FMN1: variants seen among roughly 807,000 people sequenced by gnomAD.
The protein encoded by FMN1 is formin 1.
FMN1 carries 110 observed loss-of-function variants against 132.4 expected under a neutral mutation model. The observed-to-expected ratio is 0.83, with a 90% CI of 0.71 to 0.97. The LOEUF is 0.97. Among genes scored for constraint, FMN1 ranks in the 50% least tolerant of loss-of-function variants. The probability of loss-of-function intolerance (pLI) is 0.00; values close to 1 mark genes in which losing one functional copy is unlikely to be tolerated. For synonymous variants in FMN1, 722 were observed against 651.7 expected (o/e 1.11, Z -1.64); for missense variants, 1,792 against 1,705.3 (o/e 1.05, Z -0.90).
At chr15:33,061,352 CA>C (rs2037472570) in intron 6 of FMN1, among the ~76,000 whole-genome samples, 1 of 151,980 alleles carries the variant, frequency 6.6e-6, no homozygotes, top group African/African-American at 2.4e-5. Context: ...TCACAAGAAG[CA>C]AATCCATATC....
At chr15:32,899,930 G>GA in intron 14 of FMN1, 49 bp downstream of exon 14, 1 of 1,578,846 alleles carries the variant, frequency 6.3e-7, no homozygotes, top group Non-Finnish European at 8.6e-7. Context: ...TAAAGGTAAA[G>GA]AAAGAAAATA....
At chr15:33,120,682 C>G (rs1962468184) in intron 4 of FMN1, among the ~76,000 whole-genome samples, 2 of 151,994 alleles carry the variant, frequency 1.3e-5, no homozygotes, top group African/African-American at 4.8e-5. Context: ...TCATATATAT[C>G]TACATCATTC....
At chr15:33,098,266 T>G (rs982157105) in intron 4 of FMN1, among the ~76,000 whole-genome samples, 2 of 152,164 alleles carry the variant, frequency 1.3e-5, no homozygotes, top group Non-Finnish European at 2.9e-5. Flanking sequence ...CCTCCCCCAA[T>G]AGGGCTGATG....
At chr15:32,777,615 TAACACATTTATATATTACGTATAAC>T (rs2056480551) in intron 19 of FMN1, among the ~76,000 whole-genome samples, 2 of 103,182 alleles carry the variant, frequency 1.9e-5, no homozygotes, top group African/African-American at 8.3e-5. Context: ...ACGTATAACA[TAACACATTTATATATTACGTATAAC>T]ATAACACATT....
At chr15:32,997,546 G>T (rs897360289) in intron 7 of FMN1, among the ~76,000 whole-genome samples, 3 of 152,162 alleles carry the variant, frequency 2.0e-5, no homozygotes, top group African/African-American at 7.2e-5. Flanking sequence ...ACTCCGCTGG[G>T]TCTCAGGTAG....
chr15:33,111,634 T>C lies in FMN1; in HGVS notation c.1868-22660A>G, dbSNP rs540115157. 2.0e-5 allele frequency among the ~76,000 whole-genome samples: 3 copies of C among 152,294 alleles called. 1 individual carries two copies. In the South Asian group the frequency reaches 6.2e-4, roughly 32 times the overall value. On this transcript the variant is annotated intron_variant, in intron 4 of 20. Transcript: ENST00000616417. The stretch of plus-strand genomic sequence containing the variant: ...TGTGCTATATCCATATGAAGGAGTA[T>C]CTTTTGCCTATAAAAAAATCTCAAA...
At chr15:32,816,696 A>C (rs1306129940) in intron 17 of FMN1, among the ~76,000 whole-genome samples, 2 of 151,858 alleles carry the variant, frequency 1.3e-5, no homozygotes, top group African/African-American at 4.8e-5. Context: ...CTGCTGAAAA[A>C]CTGTAAAACT....
intron 6 of FMN1, among the ~76,000 whole-genome samples, chr15:33,015,071 T>C (rs56094393): frequency 0.19 from 29,551 of 152,192 alleles, 2,904 homozygotes; most frequent in Admixed American, 0.21. Flanking sequence ...ACAGCTTTCC[T>C]AAAACCACAT....
chr15:32,781,741 A>G (rs564218455), intron 19 of FMN1, among the ~76,000 whole-genome samples: 2 of 152,304 alleles, frequency 1.3e-5, no homozygotes, highest in East Asian at 1.9e-4. Flanking sequence ...GTATCCTTGG[A>G]TAAGTCATGT....
At chr15:32,859,131 T>C (rs897756218) in intron 16 of FMN1, among the ~76,000 whole-genome samples, 2 of 152,164 alleles carry the variant, frequency 1.3e-5, no homozygotes, top group Admixed American at 6.5e-5. Flanking sequence ...AAGTATCTTG[T>C]TGGATTATGT....
At chr15:32,959,302 T>C (rs1397542128) in intron 9 of FMN1, among the ~76,000 whole-genome samples, 5 of 152,114 alleles carry the variant, frequency 3.3e-5, no homozygotes, top group African/African-American at 1.2e-4. Flanking sequence ...ACCACTTTCA[T>C]TTTCAAGAGG....
At chr15:32,871,619 C>A in intron 16 of FMN1, among the ~76,000 whole-genome samples, 1 of 151,150 alleles carries the variant, frequency 6.6e-6, no homozygotes. Flanking sequence ...TAGGAAATGA[C>A]CTAAAGATAC....
intron 6 of FMN1, among the ~76,000 whole-genome samples, chr15:33,047,132 T>G (rs914454846): frequency 6.6e-6 from 1 of 152,226 alleles, no homozygotes; most frequent in African/African-American, 2.4e-5. Flanking sequence ...GCTTAGGAAA[T>G]GAGTACTTTC....
Position 33,058,036 on chromosome 15 carries a change from C to A in FMN1, c.2161+6921G>T, listed in dbSNP as rs558982104. 7.5e-5 allele frequency among the ~76,000 whole-genome samples: 11 copies of A among 146,782 alleles called. No individual in the cohort carries two copies. The South Asian group carries it at 1.9e-3, about 26-fold the overall frequency. On this transcript the variant is annotated intron_variant, in intron 6 of 20. Coordinates refer to ENST00000616417, the MANE Select transcript of FMN1 (RefSeq NM_001277313.2). ...CGGGGCTGGTAGTGGAAAGGCGTGG[C>A]GGGCTGGTGGTGGAAAGGTGTGGTG...
chr15:33,073,471 G>A (rs1347249708), intron 5 of FMN1, among the ~76,000 whole-genome samples: 1 of 152,030 alleles, frequency 6.6e-6, no homozygotes, highest in Non-Finnish European at 1.5e-5. Context: ...GGAAAAATAA[G>A]TAAGTTCTGA....
intron 9 of FMN1, among the ~76,000 whole-genome samples, chr15:32,935,015 G>T (rs1379601299): frequency 1.3e-5 from 2 of 150,662 alleles, no homozygotes; most frequent in Non-Finnish European, 3.0e-5. Flanking sequence ...TCTGCCTCCT[G>T]AGTTCAAGCG....
chr15:32,867,476 A>G (rs562077029), intron 16 of FMN1, among the ~76,000 whole-genome samples: 201 of 151,032 alleles, frequency 1.3e-3, no homozygotes, highest in African/African-American at 4.7e-3. Flanking sequence ...GTGCTTAGTC[A>G]TCATTACGAC....
intron 3 of FMN1, among the ~76,000 whole-genome samples, chr15:33,169,037 T>C (rs1284422419): frequency 6.6e-6 from 1 of 152,228 alleles, no homozygotes; most frequent in Non-Finnish European, 1.5e-5. Flanking sequence ...ATATCCACAA[T>C]TCCTGCAGTT....
Position 33,154,213 on chromosome 15 carries a change from C to G in FMN1, c.702G>C (p.Glu234Asp). 6 of 1,536,300 alleles carry G rather than the reference C, an allele frequency of 3.9e-6. No individual in the cohort carries two copies. The highest frequency in any genetic ancestry group is 5.2e-6 in the Non-Finnish European group (6 of 1,146,968). The change falls in exon 4 of 21, where the codon GAG (glutamate) becomes GAC (aspartate). Residue 234 changes from glutamate (E) to aspartate (D), a missense_variant. This residue lies in a region of FMN1 where 638 missense variants were observed against 645.2 expected (regional missense o/e 0.99). Coordinates refer to ENST00000616417, the MANE Select transcript of FMN1 (RefSeq NM_001277313.2). Reference protein sequence around the residue: ...GALACSLQRRESCPPDIPKTP... With the variant: ...GALACSLQRRDSCPPDIPKTP... ...TCTTGGGAATATCTGGGGGGCAGCT[C>G]TCTCTCCTCTGCAGGGAGCAGGCAA...
Sources: allele counts gnomAD v4.1 joint callset (sites outside exome capture counted in the v4.1 genomes callset), GRCh38; gene constraint gnomAD v4.1.1; regional missense constraint gnomAD v4.1.1; transcripts MANE v1.5; gene names NCBI Gene and HGNC (gene_info 2026-07-23, HGNC 2026-07-21).